ANKFN1: variants seen among roughly 807,000 people sequenced by gnomAD.
The protein encoded by ANKFN1 is ankyrin repeat and fibronectin type-III domain-containing protein 1.
In ANKFN1, 74 loss-of-function variants were observed where a neutral mutation model predicts 108.7. The observed-to-expected ratio is 0.68, with a 90% confidence interval of 0.56 to 0.83. The LOEUF (loss-of-function observed/expected upper bound fraction) is 0.83. Ranked by LOEUF, ANKFN1 falls within the 40% of genes least tolerant of loss-of-function variation. ANKFN1 has a pLI of 0.00. For missense variants in ANKFN1, 1,505 were observed against 1,382.3 expected, an observed-to-expected ratio of 1.09 and a Z score of -1.41; for synonymous variants, 547 against 516.2, an observed-to-expected ratio of 1.06 and a Z score of -0.81.
chr17:56,132,872 G>T (rs1002700748), intron 4 of ANKFN1, among the ~76,000 whole-genome samples: 1 of 152,054 alleles, frequency 6.6e-6, no homozygotes, highest in African/African-American at 2.4e-5. Flanking sequence ...ATCTCCCAAA[G>T]ACTCCACCTC....
intron 3 of ANKFN1, among the ~76,000 whole-genome samples, chr17:56,283,018 A>G (rs955984000): frequency 1.8e-4 from 27 of 152,260 alleles, no homozygotes; most frequent in African/African-American, 6.3e-4. Context: ...CAGGTTTGCT[A>G]CATAGGTAAA....
chr17:56,348,336 CT>C (rs755852344), intron 4 of ANKFN1, among the ~76,000 whole-genome samples: 1 of 152,014 alleles, frequency 6.6e-6, no homozygotes, highest in Non-Finnish European at 1.5e-5. Flanking sequence ...TGGGTAGGGC[CT>C]CCTGGACATT....
chr17:56,296,749 G>A (rs368350591), intron 3 of ANKFN1, among the ~76,000 whole-genome samples: 1 of 152,162 alleles, frequency 6.6e-6, no homozygotes, highest in Admixed American at 6.5e-5. Context: ...ATGAGCTTTG[G>A]AGTCAGACAG....
intron 3 of ANKFN1, among the ~76,000 whole-genome samples, chr17:56,301,361 C>T (rs746822557): frequency 1.3e-5 from 2 of 152,208 alleles, no homozygotes; most frequent in Non-Finnish European, 2.9e-5. Context: ...GTCACAGAGT[C>T]TTACATTGTG....
chr17:56,307,365 T>A (rs2044861317), intron 3 of ANKFN1, among the ~76,000 whole-genome samples: 3 of 151,980 alleles, frequency 2.0e-5, no homozygotes, highest in Admixed American at 2.0e-4. Context: ...TACAATGAAC[T>A]CCAACACATT....
intron 10 of ANKFN1, among the ~76,000 whole-genome samples, chr17:56,446,272 G>A (rs527858579): frequency 7.2e-5 from 11 of 152,188 alleles, no homozygotes; most frequent in South Asian, 2.1e-4. Flanking sequence ...GTTCAGGGAC[G>A]CGTAGTAATT....
chr17:56,053,800 A>T (rs1904818501), intron 4 of ANKFN1, among the ~76,000 whole-genome samples: 2 of 152,154 alleles, frequency 1.3e-5, no homozygotes, highest in Non-Finnish European at 2.9e-5. Flanking sequence ...TTTTCTCCAC[A>T]TCTTCACCAG....
At chr17:56,157,446 CCAT>C (rs1282528488) in intron 1 of ANKFN1, among the ~76,000 whole-genome samples, 1 of 152,154 alleles carries the variant, frequency 6.6e-6, no homozygotes, top group Non-Finnish European at 1.5e-5. Context: ...CCTCGGATGA[CCAT>C]CATTAGCACA....
At chr17:56,500,169 C>T (rs2051322999) in intron 20 of ANKFN1, among the ~76,000 whole-genome samples, 1 of 152,160 alleles carries the variant, frequency 6.6e-6, no homozygotes, top group African/African-American at 2.4e-5. Flanking sequence ...ATAAGGTAAA[C>T]TATATCAATG....
rs375595983 is a variant in ANKFN1, at chr17:56,172,880, G to A, written c.-71+19350G>A. 1.1e-4 allele frequency among the ~76,000 whole-genome samples: 17 copies of A among 152,246 alleles called. No individual in the cohort carries two copies. The East Asian group carries it at 1.7e-3, about 16-fold the overall frequency. ...ACCAGCCAGCAGACAGGGACACACT[G>A]ATCCCTCCCTGGAGCACTTGTATCA... On this transcript the variant is annotated intron_variant, in intron 1 of 20. Coordinates refer to ENST00000682825, the MANE Select transcript of ANKFN1 (RefSeq NM_001370326.1).
chr17:56,510,485 G>GC lies in ANKFN1; in HGVS notation c.2658dup (p.Ser887LeufsTer2). The GC allele has an allele frequency of 6.5e-7, 1 of 1,536,078 alleles. No homozygotes were observed. Among genetic ancestry groups the GC allele is most frequent in the East Asian group, 2.4e-5 (1 of 40,916 alleles). ...TCTGGCTTCGCAGATTCACAGCCCTGCTCTGATGAAGAAGCCTGCTCAGAA... is the reference window on the plus strand; with the variant it reads ...TCTGGCTTCGCAGATTCACAGCCCTGCCTCTGATGAAGAAGCCTGCTCAGAA... On this transcript the variant is annotated frameshift_variant, in exon 21 of 21. Transcript: ENST00000682825. LOFTEE classifies it low-confidence loss of function (END_TRUNC).
At chr17:56,386,824 T>C (rs1014555118) in intron 8 of ANKFN1, among the ~76,000 whole-genome samples, 5 of 152,062 alleles carry the variant, frequency 3.3e-5, no homozygotes, top group African/African-American at 1.2e-4. Flanking sequence ...ATATCCTTTA[T>C]CGGATTTAAG....
At chr17:56,173,693 C>T (rs367787457) in intron 1 of ANKFN1, among the ~76,000 whole-genome samples, 6 of 152,118 alleles carry the variant, frequency 3.9e-5, no homozygotes, top group Admixed American at 3.9e-4. Context: ...AACTTCTGGC[C>T]TCAAGCGTTC....
At chr17:56,068,358 G>A (rs958077605) in intron 4 of ANKFN1, among the ~76,000 whole-genome samples, 2 of 152,188 alleles carry the variant, frequency 1.3e-5, no homozygotes, top group Non-Finnish European at 2.9e-5. Flanking sequence ...TAAGGCTGCT[G>A]CTGGAAGCTG....
chr17:56,212,863 A>G (rs1012981783), intron 2 of ANKFN1, among the ~76,000 whole-genome samples, 184 bp downstream of exon 2: 1 of 152,178 alleles, frequency 6.6e-6, no homozygotes, highest in African/African-American at 2.4e-5. Context: ...ACTTGGTCCA[A>G]ATAACACAAC....
intron 1 of ANKFN1, among the ~76,000 whole-genome samples, 60 bp from the exon 2 acceptor site, chr17:56,212,538 G>A (rs1915094052): frequency 6.6e-6 from 1 of 152,084 alleles, no homozygotes; most frequent in African/African-American, 2.4e-5. Context: ...TGATATTAGG[G>A]TGATACCGGT....
intron 8 of ANKFN1, among the ~76,000 whole-genome samples, chr17:56,374,966 T>G (rs2046907351): frequency 1.3e-5 from 2 of 152,190 alleles, no homozygotes; most frequent in Non-Finnish European, 2.9e-5. Flanking sequence ...TTCATTCATC[T>G]TTGCAGAGGA....
intron 10 of ANKFN1, among the ~76,000 whole-genome samples, chr17:56,444,212 A>AT (rs11418328): frequency 6.6e-6 from 1 of 151,970 alleles, no homozygotes; most frequent in African/African-American, 2.4e-5. Context: ...TTTTAAAAAA[A>AT]ATTGTGTGGA....
rs370362402 is a variant in ANKFN1 at position 56,363,196 on chromosome 17, C to G, written c.601+9150C>G. 2.0e-4 allele frequency among the ~76,000 whole-genome samples: 31 copies of G among 152,026 alleles called. No homozygotes were observed. The South Asian group carries it at 6.0e-3, about 29-fold the overall frequency. On this transcript the variant is annotated intron_variant, in intron 6 of 20. Coordinates refer to ENST00000682825, the MANE Select transcript of ANKFN1 (RefSeq NM_001370326.1). Reference sequence around the variant, plus strand: ...CCGAGATCGCACCACAGCACTCCAGCCTGGGGACAGAGGGAGACTCCATCT... The same window carrying G: ...CCGAGATCGCACCACAGCACTCCAGGCTGGGGACAGAGGGAGACTCCATCT...
Sources: allele counts gnomAD v4.1 joint callset (sites outside exome capture counted in the v4.1 genomes callset), GRCh38; gene constraint gnomAD v4.1.1; transcripts MANE v1.5; gene names NCBI Gene and HGNC (gene_info 2026-07-23, HGNC 2026-07-21).